SLC7A1: variants seen among roughly 807,000 people sequenced by gnomAD.
The protein encoded by SLC7A1 is solute carrier family 7 member 1, also known as high affinity cationic amino acid transporter 1.
In SLC7A1, 10 loss-of-function variants were observed where a neutral mutation model predicts 53.9. The observed-to-expected ratio is 0.19, with a 90% confidence interval of 0.11 to 0.31. The LOEUF is 0.31. Among genes scored for constraint, SLC7A1 ranks in the 10% least tolerant of loss-of-function variants. The pLI is 1.00. For synonymous variants in SLC7A1, 342 were observed against 338.7 expected, an observed-to-expected ratio of 1.01 and a Z score of -0.11; for missense variants, 525 against 827.2, an observed-to-expected ratio of 0.63 and a Z score of 4.48.
intron 1 of SLC7A1, among the ~76,000 whole-genome samples, chr13:29,560,740 C>T (rs1381915070): frequency 1.3e-5 from 2 of 151,966 alleles, no homozygotes; most frequent in East Asian, 3.9e-4. Flanking sequence ...TCTATTATAA[C>T]CTTATGGAAC....
chr13:29,529,964 G>C (rs1182822020), intron 5 of SLC7A1, among the ~76,000 whole-genome samples: 3 of 152,220 alleles, frequency 2.0e-5, no homozygotes, highest in Non-Finnish European at 2.9e-5. Context: ...GTCTGTGTCA[G>C]AGACATGAGG....
Position 29,523,295 on chromosome 13 carries a change from G to T in SLC7A1, c.1020C>A (p.Ala340=), listed in dbSNP as rs550186121. The change falls in exon 7 of 13, where the codon GCC becomes GCA. Residue 340 remains alanine, a synonymous_variant. Coordinates refer to ENST00000380752, the MANE Select transcript of SLC7A1 (RefSeq NM_003045.5). The part of the protein sequence containing the change: ...VGWEGAKYAV[A]VGSLCALSAS... ...CGGAAAGAGCGCAGAGGGAGCCCAC[G>T]GCCACTGCGTACTTGGCACCTTCCC... The T allele has an allele frequency of 6.2e-7, 1 of 1,613,520 alleles. No individual in the cohort carries two copies. The highest frequency in any genetic ancestry group is 1.7e-5 in the Admixed American group (1 of 60,024).
At chr13:29,525,590 ATT>A (rs1566255745) in intron 5 of SLC7A1, among the ~76,000 whole-genome samples, 2 of 152,224 alleles carry the variant, frequency 1.3e-5, no homozygotes, top group Non-Finnish European at 2.9e-5. Context: ...TCTAATGGGG[ATT>A]AAGCCTTACT....
chr13:29,541,999 CATA>C (rs1261137595), intron 2 of SLC7A1, among the ~76,000 whole-genome samples: 7 of 152,110 alleles, frequency 4.6e-5, no homozygotes, highest in Non-Finnish European at 7.4e-5. Flanking sequence ...TATTCACTAT[CATA>C]ATACTTTTCA....
At chr13:29,572,374 G>T (rs1871235626) in intron 1 of SLC7A1, among the ~76,000 whole-genome samples, 1 of 152,230 alleles carries the variant, frequency 6.6e-6, no homozygotes, top group South Asian at 2.1e-4. Flanking sequence ...AAAGGGGCAG[G>T]TGCCAGTGTA....
At chr13:29,587,536 T>A (rs548754139) in intron 1 of SLC7A1, among the ~76,000 whole-genome samples, 4 of 152,172 alleles carry the variant, frequency 2.6e-5, no homozygotes, top group Non-Finnish European at 4.4e-5. Context: ...ACCCAAGAGC[T>A]CACTGATATG....
intron 9 of SLC7A1, 98 bp from the exon 10 acceptor site, chr13:29,517,888 G>C (rs1487089876): frequency 2.3e-6 from 2 of 873,422 alleles, no homozygotes; most frequent in Non-Finnish European, 1.9e-6. Flanking sequence ...GAGCTGCCCG[G>C]GACACAAGGT....
In SLC7A1 at chr13:29,518,015, G is replaced by A. The variant is rs17660403; in HGVS notation, c.1293-225C>T. On this transcript the variant is annotated intron_variant, in intron 9 of 12. Coordinates refer to ENST00000380752, the MANE Select transcript of SLC7A1 (RefSeq NM_003045.5). Reference sequence around the variant, plus strand: ...TCCTCCATGGTCTCTCCTTCGGGGCGACATGACCTCCACCATGAGCAGCCC... The same window carrying A: ...TCCTCCATGGTCTCTCCTTCGGGGCAACATGACCTCCACCATGAGCAGCCC... 8.7e-3 allele frequency among the ~76,000 whole-genome samples: 1,318 copies of A among 152,332 alleles called. 5 individuals carry two copies. The highest frequency in any genetic ancestry group is 0.011 in the Non-Finnish European group (758 of 68,038).
Position 29,576,293 on chromosome 13 carries a change from T to TTTAAAAAAAAAAAAA in SLC7A1, c.-115+19122_-115+19123insTTTTTTTTTTTTTAA, listed in dbSNP as rs552407983. On this transcript the variant is annotated intron_variant, in intron 1 of 12. Coordinates refer to ENST00000380752, the MANE Select transcript of SLC7A1 (RefSeq NM_003045.5). Reference sequence around the variant, plus strand: ...GGTATCAGTATGAGATCCTGTTTTTTAAAAAAAAAAAAAAGGAAAGAAAAC... The same window carrying TTTAAAAAAAAAAAAA: ...GGTATCAGTATGAGATCCTGTTTTTTTTAAAAAAAAAAAAAAAAAAAAAAAAAAAGGAAAGAAAAC... Among the ~76,000 whole-genome samples the TTTAAAAAAAAAAAAA allele has an allele frequency of 5.2e-3, 654 of 124,838 alleles. 28 individuals are homozygous for TTTAAAAAAAAAAAAA. The highest frequency in any genetic ancestry group is 0.023 in the African/African-American group (621 of 27,228). The allele number at this position is 124,838 out of a possible 152,430, so 81.9% of individuals were successfully genotyped here. A position where few individuals can be genotyped will look rare whatever the true frequency, so the allele number is the denominator to read the frequency against.
intron 1 of SLC7A1, among the ~76,000 whole-genome samples, chr13:29,574,780 G>A (rs1306126737): frequency 6.6e-6 from 1 of 151,848 alleles, no homozygotes; most frequent in East Asian, 1.9e-4. Context: ...AAGTAGCTGG[G>A]ACTACAGGTG....
At chr13:29,589,294 G>A (rs564664939) in intron 1 of SLC7A1, among the ~76,000 whole-genome samples, 1 of 152,246 alleles carries the variant, frequency 6.6e-6, no homozygotes. Context: ...ATTTCCACAA[G>A]ACCCCCTGCA....
At chr13:29,588,225 T>TA (rs1871968334) in intron 1 of SLC7A1, among the ~76,000 whole-genome samples, 1 of 152,232 alleles carries the variant, frequency 6.6e-6, no homozygotes, top group Admixed American at 6.5e-5. Context: ...CGCAGGGTTG[T>TA]ATTAATGTTA....
intron 2 of SLC7A1, among the ~76,000 whole-genome samples, chr13:29,541,846 A>AT (rs1284753079): frequency 3.9e-5 from 6 of 152,250 alleles, no homozygotes; most frequent in Admixed American, 6.5e-5. Flanking sequence ...TTTCTAGACT[A>AT]TGTATGGACA....
In SLC7A1 at chr13:29,522,455, G is replaced by A; in HGVS notation, c.1051C>T (p.Leu351Phe). 1 of 1,614,162 alleles carries A rather than the reference G, an allele frequency of 6.2e-7. No homozygotes were observed. The highest frequency in any genetic ancestry group is 8.5e-7 in the Non-Finnish European group (1 of 1,180,018). ...VGSLCALSAS[L>F]LGSMFPMPRV... is the part of the protein sequence containing the mutation. ...GGCATGGGAAACATGGAACCTAGAA[G>A]ACTAGATGGGGAGAGGCAAACCGCG... Residue 351 changes from leucine (L) to phenylalanine (F), a missense_variant and splice_region_variant, in exon 8 of 13, where the codon CTT (leucine) becomes TTT (phenylalanine). This residue lies in a region of SLC7A1 where 354 missense variants were observed against 587.5 expected (regional missense o/e 0.60). Coordinates refer to ENST00000380752, the MANE Select transcript of SLC7A1 (RefSeq NM_003045.5).
At chr13:29,580,174 A>G (rs968351486) in intron 1 of SLC7A1, among the ~76,000 whole-genome samples, 3 of 152,186 alleles carry the variant, frequency 2.0e-5, no homozygotes, top group South Asian at 2.1e-4. Context: ...ACATGAGTCC[A>G]TGGCTGAGCC....
chr13:29,546,059 G>C (rs1362090075), intron 2 of SLC7A1, among the ~76,000 whole-genome samples: 1 of 152,190 alleles, frequency 6.6e-6, no homozygotes, highest in East Asian at 1.9e-4. Context: ...TGGAGCCAGG[G>C]CTCCTCTGAC....
At chr13:29,578,263 C>T (rs527245648) in intron 1 of SLC7A1, among the ~76,000 whole-genome samples, 1 of 152,268 alleles carries the variant, frequency 6.6e-6, no homozygotes, top group South Asian at 2.1e-4. Flanking sequence ...TTTAAGACAT[C>T]TGAACTTGGG....
chr13:29,568,640 C>T (rs530187107), intron 1 of SLC7A1, among the ~76,000 whole-genome samples: 5 of 152,344 alleles, frequency 3.3e-5, no homozygotes, highest in South Asian at 2.1e-4. Context: ...AATGGCGCTT[C>T]GCCCACTTTT....
At chr13:29,590,314 C>T (rs975092513) in intron 1 of SLC7A1, among the ~76,000 whole-genome samples, 1 of 152,182 alleles carries the variant, frequency 6.6e-6, no homozygotes, top group Admixed American at 6.5e-5. Flanking sequence ...ATTTGAACAA[C>T]ATGTTTGGGA....
Sources: gnomAD v4.1 joint callset for allele counts (sites outside exome capture counted in the v4.1 genomes callset) on GRCh38, gnomAD v4.1.1 for gene constraint, gnomAD v4.1.1 regional missense constraint, MANE v1.5 for transcripts, NCBI Gene and HGNC (gene_info 2026-07-23, HGNC 2026-07-21) for gene names.